GRID2: variants seen among roughly 807,000 people sequenced by gnomAD.
GRID2 encodes glutamate receptor ionotropic, delta-2.
Under a neutral mutation model 114.8 loss-of-function variants are expected in GRID2, and 33 were observed. The observed-to-expected ratio is 0.29, with a 90% CI of 0.22 to 0.38. GRID2 has a LOEUF of 0.38. Among genes scored for constraint, GRID2 ranks in the 10% least tolerant of loss-of-function variants. GRID2 has a pLI of 1.00. For synonymous variants in GRID2, 505 were observed against 449.9 expected (o/e 1.12, Z -1.55); for missense variants, 1,184 against 1,257.7 (o/e 0.94, Z 0.89).
intron 4 of GRID2, among the ~76,000 whole-genome samples, chr4:93,138,625 G>A (rs892194306): frequency 2.0e-5 from 3 of 152,002 alleles, no homozygotes; most frequent in Non-Finnish European, 2.9e-5. Context: ...AATTTTTCAG[G>A]CCAGACAACC....
chr4:93,058,851 T>C (rs917310238), intron 2 of GRID2, among the ~76,000 whole-genome samples: 2 of 152,038 alleles, frequency 1.3e-5, no homozygotes, highest in African/African-American at 4.8e-5. Flanking sequence ...CCAGTAAATT[T>C]AATGCAATTT....
intron 1 of GRID2, among the ~76,000 whole-genome samples, chr4:92,521,648 G>T (rs1724784637): frequency 6.6e-6 from 1 of 151,938 alleles, no homozygotes; most frequent in South Asian, 2.1e-4. Context: ...TGGAGGAAAT[G>T]GTGCCTGAGC....
rs549473601 is a variant in GRID2, at chr4:93,548,358, G to A, written c.2193+32947G>A. 9.9e-5 allele frequency among the ~76,000 whole-genome samples: 15 copies of A among 152,220 alleles called. No individual in the cohort carries two copies. In the East Asian group the frequency reaches 1.4e-3, roughly 14 times the overall value. On this transcript the variant is annotated intron_variant, in intron 13 of 15. Coordinates refer to ENST00000282020, the MANE Select transcript of GRID2 (RefSeq NM_001510.4). ...GTTTTAAAACTAGAGGCACTTGAAC[G>A]GAAATAGCACCGGACAGGGAACCAT...
At chr4:92,323,125 A>T (rs1726404181) in intron 1 of GRID2, among the ~76,000 whole-genome samples, 2 of 152,146 alleles carry the variant, frequency 1.3e-5, no homozygotes, top group African/African-American at 4.8e-5. Flanking sequence ...AAGATAGTTT[A>T]CCAAAAAGAT....
In GRID2 at chr4:93,507,994, A is replaced by G. The variant is rs893856732; in HGVS notation, c.1998-7222A>G. On this transcript the variant is annotated intron_variant, in intron 12 of 15. Transcript: ENST00000282020. ...GGACACAGGAAGGGGAACATCACAC[A>G]CCGGAGACTGCTGTGGGGTGGGGGA... is the stretch of plus-strand genomic sequence containing the variant. 2.2e-4 allele frequency among the ~76,000 whole-genome samples: 33 copies of G among 152,112 alleles called. No homozygotes were observed. The East Asian group carries it at 6.2e-3, about 29-fold the overall frequency.
At chr4:92,582,539 T>G (rs1728231026) in intron 1 of GRID2, among the ~76,000 whole-genome samples, 1 of 151,956 alleles carries the variant, frequency 6.6e-6, no homozygotes, top group African/African-American at 2.4e-5. Flanking sequence ...GAGACAAATA[T>G]TGAACTTCAA....
chr4:93,796,431 A>G (rs1463713706), intron 1 of GRID2, among the ~76,000 whole-genome samples: 4 of 152,174 alleles, frequency 2.6e-5, no homozygotes, highest in Non-Finnish European at 5.9e-5. Flanking sequence ...GGAGACAAGC[A>G]GAGGGGAATC....
At chr4:93,136,137 A>C (rs1311938563) in intron 4 of GRID2, among the ~76,000 whole-genome samples, 1 of 152,046 alleles carries the variant, frequency 6.6e-6, no homozygotes, top group Non-Finnish European at 1.5e-5. Flanking sequence ...TAGCCTTTCC[A>C]ACGTCACACC....
Position 92,471,793 on chromosome 4 carries a change from G to T in GRID2, c.89-118338G>T, listed in dbSNP as rs563170366. On this transcript the variant is annotated intron_variant, in intron 1 of 15. Transcript: ENST00000282020. ...ACTGCAATTCCATACCCAGGAAAACGTGGTTTTTTTCTGGTCACTGTATTA... is the reference window on the plus strand; with the variant it reads ...ACTGCAATTCCATACCCAGGAAAACTTGGTTTTTTTCTGGTCACTGTATTA... Among the ~76,000 whole-genome samples the T allele has an allele frequency of 6.3e-4, 96 of 152,086 alleles. 1 individual carries two copies. The highest frequency in any genetic ancestry group is 2.1e-3 in the African/African-American group (87 of 41,518).
At chr4:93,210,670 G>A (rs1208332689) in intron 5 of GRID2, among the ~76,000 whole-genome samples, 1 of 152,034 alleles carries the variant, frequency 6.6e-6, no homozygotes, top group Non-Finnish European at 1.5e-5. Context: ...GGGAGAAATA[G>A]CCTCTTCATA....
intron 1 of GRID2, among the ~76,000 whole-genome samples, chr4:92,326,768 A>G (rs1726618105): frequency 6.6e-6 from 1 of 152,030 alleles, no homozygotes; most frequent in Admixed American, 6.6e-5. Flanking sequence ...AAGTTAAACA[A>G]TGCTATATAA....
intron 10 of GRID2, among the ~76,000 whole-genome samples, chr4:93,447,685 A>G (rs879899245): frequency 1.3e-5 from 2 of 152,020 alleles, no homozygotes; most frequent in African/African-American, 2.4e-5. Flanking sequence ...CAAATTAATA[A>G]TGTTATCTCC....
chr4:92,371,175 C>G (rs533151215), intron 1 of GRID2, among the ~76,000 whole-genome samples: 1 of 152,232 alleles, frequency 6.6e-6, no homozygotes, highest in East Asian at 1.9e-4. Flanking sequence ...GTAACCATAA[C>G]AAAAAGTACA....
At chr4:92,505,049 T>A (rs1403666835) in intron 1 of GRID2, among the ~76,000 whole-genome samples, 1 of 151,984 alleles carries the variant, frequency 6.6e-6, no homozygotes, top group Non-Finnish European at 1.5e-5. Flanking sequence ...CTTAAGATGG[T>A]GCGAAGATGG....
chr4:93,308,156 A>G (rs1755635985), intron 8 of GRID2, among the ~76,000 whole-genome samples: 1 of 152,172 alleles, frequency 6.6e-6, no homozygotes, highest in African/African-American at 2.4e-5. Context: ...CAGTGCTCCT[A>G]TGATTGGAGG....
chr4:92,578,810 A>G (rs749443134), intron 1 of GRID2, among the ~76,000 whole-genome samples: 1 of 152,112 alleles, frequency 6.6e-6, no homozygotes, highest in South Asian at 2.1e-4. Flanking sequence ...TGCATCATAT[A>G]TATTTTGTTC....
chr4:92,964,870 A>G (rs1009306652), intron 2 of GRID2, among the ~76,000 whole-genome samples: 1 of 152,032 alleles, frequency 6.6e-6, no homozygotes, highest in African/African-American at 2.4e-5. Flanking sequence ...CATATCAGCA[A>G]AAAAGACTTC....
rs557336695 is a variant in GRID2 at position 92,629,880 on chromosome 4, AATTAT to A, written c.244+39602_244+39606del. ...AAAGTAATTATATAATAAAATCAGT[AATTAT>A]ATTATATAATACATATTTATAAATT... is the stretch of plus-strand genomic sequence containing the variant. On this transcript the variant is annotated intron_variant, in intron 2 of 15. Transcript: ENST00000282020. 3.7e-3 allele frequency among the ~76,000 whole-genome samples: 547 copies of A among 147,702 alleles called. 2 individuals carry two copies. Among genetic ancestry groups the A allele is most frequent in the African/African-American group, 0.012 (510 of 40,844 alleles).
intron 2 of GRID2, among the ~76,000 whole-genome samples, chr4:92,759,877 C>A (rs1265489278): frequency 6.6e-6 from 1 of 151,284 alleles, no homozygotes; most frequent in African/African-American, 2.4e-5. Context: ...TCACCTGCCT[C>A]AGCCTCCCAA....
Sources: allele counts gnomAD v4.1 joint callset (sites outside exome capture counted in the v4.1 genomes callset), GRCh38; gene constraint gnomAD v4.1.1; transcripts MANE v1.5; gene names NCBI Gene and HGNC (gene_info 2026-07-23, HGNC 2026-07-21).